GTF2F2: variants seen among roughly 807,000 people sequenced by gnomAD.
GTF2F2 encodes general transcription factor IIF subunit 2.
In GTF2F2, 23 loss-of-function variants were observed where a neutral mutation model predicts 42.2. The observed-to-expected ratio is 0.55, with a 90% CI of 0.39 to 0.77. The LOEUF is 0.77. GTF2F2 is among the 30% of genes least tolerant of loss of function. GTF2F2 has a pLI of 0.00. For missense variants in GTF2F2, 261 were observed against 287.2 expected, an observed-to-expected ratio of 0.91 and a Z score of 0.66; for synonymous variants, 105 against 100.8, an observed-to-expected ratio of 1.04 and a Z score of -0.25.
At chr13:45,149,724 A>G (rs1870387611) in intron 2 of GTF2F2, 46 bp from the exon 3 acceptor site, 2 of 1,466,650 alleles carry the variant, frequency 1.4e-6, no homozygotes, top group Non-Finnish European at 1.8e-6. Context: ...TTTGAAAACA[A>G]CATGAAATCT....
At chr13:45,136,683 A>G in intron 1 of GTF2F2, 50 bp from the exon 2 acceptor site, 1 of 947,510 alleles carries the variant, frequency 1.1e-6, no homozygotes, top group Non-Finnish European at 1.7e-6. Flanking sequence ...TTATGTTTGA[A>G]AAGATGTTAG....
chr13:45,267,083 G>C, intron 6 of GTF2F2, 150 bp from the exon 7 acceptor site: 1 of 538,542 alleles, frequency 1.9e-6, no homozygotes, highest in Non-Finnish European at 3.2e-6. Flanking sequence ...CAGGAGGTGG[G>C]GGTTGCAGTG....
chr13:45,164,747 T>G (rs948385000), intron 4 of GTF2F2, among the ~76,000 whole-genome samples: 5 of 152,162 alleles, frequency 3.3e-5, no homozygotes, highest in African/African-American at 4.8e-5. Context: ...TAGTAGTTCC[T>G]TCTCCCTCAG....
At chr13:45,266,897 C>T (rs112872585) in intron 6 of GTF2F2, among the ~76,000 whole-genome samples, 1 of 152,030 alleles carries the variant, frequency 6.6e-6, no homozygotes, top group African/African-American at 2.4e-5. Context: ...CCTGTTATCC[C>T]GACACTTTGG....
At chr13:45,171,298 C>T (rs1232017550) in intron 4 of GTF2F2, among the ~76,000 whole-genome samples, 4 of 151,876 alleles carry the variant, frequency 2.6e-5, no homozygotes, top group African/African-American at 7.3e-5. Context: ...AGGCTGATCT[C>T]GAATTGGTGA....
intron 2 of GTF2F2, among the ~76,000 whole-genome samples, chr13:45,143,723 G>C (rs1870047454): frequency 6.6e-6 from 1 of 152,202 alleles, no homozygotes; most frequent in African/African-American, 2.4e-5. Context: ...GAGAGGCAGA[G>C]AGGAGGGAAA....
chr13:45,210,970 G>C (rs1206753340), intron 5 of GTF2F2, among the ~76,000 whole-genome samples: 1 of 152,214 alleles, frequency 6.6e-6, no homozygotes, highest in African/African-American at 2.4e-5. Context: ...AGTCAGAAGG[G>C]AGATGAGAGT....
At chr13:45,137,478 T>C (rs1446358344) in intron 2 of GTF2F2, among the ~76,000 whole-genome samples, 1 of 152,234 alleles carries the variant, frequency 6.6e-6, no homozygotes, top group African/African-American at 2.4e-5. Context: ...TCCCAAAACT[T>C]AGTGGCTTAG....
chr13:45,196,535 G>A (rs17066512), intron 4 of GTF2F2, among the ~76,000 whole-genome samples: 1,815 of 152,294 alleles, frequency 0.012, 30 homozygotes, highest in African/African-American at 0.037. Context: ...ATTACAAATA[G>A]TCACTGCACA....
At position 45,283,383 on chromosome 13, in the gene GTF2F2, T is replaced by G. The variant is rs1428693229; in HGVS notation, c.631-59T>G. ...ATGTGCTTTGGCATATCATCTTATT[T>G]TAAGTTTTGTCCCCTGCATTTATAA... On this transcript the variant is annotated intron_variant, in intron 7 of 7. Transcript: ENST00000340473. 8 of 1,491,960 alleles carry G rather than the reference T, an allele frequency of 5.4e-6. No homozygotes were observed. In the East Asian group the frequency reaches 1.4e-4, roughly 26 times the overall value. The allele number at this position is 1,491,960 out of a possible 1,614,324, so 92.4% of individuals were successfully genotyped here.
intron 4 of GTF2F2, chr13:45,206,565 A>G (rs1873421041): frequency 6.6e-6 from 1 of 152,252 alleles, no homozygotes; most frequent in Non-Finnish European, 1.5e-5. Context: ...TCTTGTGGAA[A>G]TATGACTGTT....
At chr13:45,154,195 G>GA (rs1350646639) in intron 4 of GTF2F2, among the ~76,000 whole-genome samples, 1 of 151,668 alleles carries the variant, frequency 6.6e-6, no homozygotes, top group Non-Finnish European at 1.5e-5. Context: ...TTTTTTTGTA[G>GA]AAAAAAGTAC....
chr13:45,251,590 A>T (rs777743502), intron 5 of GTF2F2, among the ~76,000 whole-genome samples: 1 of 152,186 alleles, frequency 6.6e-6, no homozygotes, highest in African/African-American at 2.4e-5. Flanking sequence ...TTCACCATTT[A>T]AAAAAACTGC....
chr13:45,239,762 A>G (rs1875185984), intron 5 of GTF2F2, among the ~76,000 whole-genome samples: 3 of 152,244 alleles, frequency 2.0e-5, no homozygotes, highest in African/African-American at 7.2e-5. Flanking sequence ...ATTTTCTTAA[A>G]TAGCTATAAA....
intron 7 of GTF2F2, among the ~76,000 whole-genome samples, chr13:45,272,135 A>G (rs946239537): frequency 2.7e-5 from 4 of 150,156 alleles, no homozygotes; most frequent in Admixed American, 2.6e-4. Flanking sequence ...CAATTTCCCA[A>G]CAGAGCATAT....
chr13:45,207,349 T>TAAACACA, intron 4 of GTF2F2, 75 bp from the exon 5 acceptor site: 1 of 803,620 alleles, frequency 1.2e-6, no homozygotes, highest in South Asian at 1.5e-5. Flanking sequence ...GTCATATTAC[T>TAAACACA]GTGTTTAGTG....
At chr13:45,167,232 A>ATTTTT (rs553522450) in intron 4 of GTF2F2, among the ~76,000 whole-genome samples, 1 of 127,686 alleles carries the variant, frequency 7.8e-6, no homozygotes, top group Non-Finnish European at 1.7e-5. Context: ...CTATTTTACT[A>ATTTTT]TTTTTTTTTT....
rs1417951326 is a variant in GTF2F2, at chr13:45,278,823, T to TC, written c.631-4619_631-4618insC. Among the ~76,000 whole-genome samples the TC allele has an allele frequency of 3.1e-3, 402 of 130,650 alleles. 2 individuals carry two copies. Among genetic ancestry groups the TC allele is most frequent in the African/African-American group, 0.012 (387 of 31,904 alleles). 85.7% of individuals were successfully genotyped at this position (130,650 alleles called of 152,430 possible). On this transcript the variant is annotated intron_variant, in intron 7 of 7. Transcript: ENST00000340473. ...ATTTGCCTTTTTCTTTTTCTTTTTT[T>TC]TTTTTTTTTTTTTTTTTTGAGGTGG...
intron 4 of GTF2F2, among the ~76,000 whole-genome samples, chr13:45,181,033 G>A (rs542585164): frequency 1.3e-5 from 2 of 151,922 alleles, no homozygotes; most frequent in Admixed American, 6.5e-5. Flanking sequence ...ATAGTGGTAC[G>A]TGCCGGTAGT....
Sources: gnomAD v4.1 joint callset for allele counts (sites outside exome capture counted in the v4.1 genomes callset) on GRCh38, gnomAD v4.1.1 for gene constraint, MANE v1.5 for transcripts, NCBI Gene and HGNC (gene_info 2026-07-23, HGNC 2026-07-21) for gene names.